The following CDH13 variants were observed in gnomAD, a reference collection of about 807,000 sequenced individuals.
CDH13 encodes the protein cadherin 13, also known as cadherin-13.
CDH13 carries 24 observed loss-of-function variants against 63.8 expected under a neutral mutation model. The observed-to-expected ratio is 0.38, with a 90% CI of 0.27 to 0.53. CDH13 has a LOEUF of 0.53. CDH13 is among the 20% of genes least tolerant of loss of function. The probability of loss-of-function intolerance (pLI) is 0.85; values close to 1 mark genes in which losing one functional copy is unlikely to be tolerated. For missense variants in CDH13, 1,049 were observed against 903.1 expected (o/e 1.16, Z -2.07); for synonymous variants, 503 against 355.3 (o/e 1.42, Z -4.67).
intron 2 of CDH13, among the ~76,000 whole-genome samples, chr16:83,008,704 C>G (rs1913804714): frequency 6.6e-6 from 1 of 152,162 alleles, no homozygotes; most frequent in South Asian, 2.1e-4. Context: ...GTAACCCAGG[C>G]AGAAGATCAT....
chr16:83,730,427 G>A (rs1159900096), intron 10 of CDH13, among the ~76,000 whole-genome samples: 1 of 152,154 alleles, frequency 6.6e-6, no homozygotes, highest in Admixed American at 6.5e-5. Context: ...AATATGTACA[G>A]TTCCAAGAGA....
intron 6 of CDH13, among the ~76,000 whole-genome samples, chr16:83,369,936 G>C (rs2091332535): frequency 6.6e-6 from 1 of 152,156 alleles, no homozygotes; most frequent in Non-Finnish European, 1.5e-5. Context: ...TGTTGACCTT[G>C]TCCCTAGACT....
chr16:83,074,287 C>T (rs971697580), intron 3 of CDH13, among the ~76,000 whole-genome samples: 2 of 152,196 alleles, frequency 1.3e-5, no homozygotes, highest in African/African-American at 4.8e-5. Context: ...TAACTATCTC[C>T]AGTTCCATTA....
At chr16:82,794,168 T>TTTTCC (rs2036462998) in intron 1 of CDH13, among the ~76,000 whole-genome samples, 1 of 150,880 alleles carries the variant, frequency 6.6e-6, no homozygotes. Flanking sequence ...TTTGCAATTT[T>TTTTCC]TTTTCTTTTC....
At chr16:83,362,405 G>A (rs2091179431) in intron 6 of CDH13, among the ~76,000 whole-genome samples, 1 of 152,182 alleles carries the variant, frequency 6.6e-6, no homozygotes, top group Non-Finnish European at 1.5e-5. Flanking sequence ...GTAAGTGAAA[G>A]ACATTTAGAC....
At chr16:83,693,384 C>T (rs945176336) in intron 10 of CDH13, among the ~76,000 whole-genome samples, 8 of 152,116 alleles carry the variant, frequency 5.3e-5, no homozygotes, top group African/African-American at 9.7e-5. Flanking sequence ...GAGCATAATG[C>T]GTAGTCATTT....
At chr16:83,238,087 A>G (rs1449019673) in intron 5 of CDH13, among the ~76,000 whole-genome samples, 2 of 117,190 alleles carry the variant, frequency 1.7e-5, no homozygotes, top group Non-Finnish European at 3.5e-5. Flanking sequence ...GTAGCATTAG[A>G]CTGGGACTGA....
At chr16:83,211,621 T>A (rs531968023) in intron 4 of CDH13, among the ~76,000 whole-genome samples, 2 of 152,176 alleles carry the variant, frequency 1.3e-5, no homozygotes, top group South Asian at 4.1e-4. Context: ...GTCCATATTG[T>A]GTCACATCTG....
chr16:82,652,354 C>T (rs1347381738), intron 1 of CDH13, among the ~76,000 whole-genome samples: 8 of 152,270 alleles, frequency 5.3e-5, no homozygotes, highest in Non-Finnish European at 5.9e-5. Flanking sequence ...GGTTTTTGTT[C>T]ATGACAAGAT....
intron 10 of CDH13, among the ~76,000 whole-genome samples, chr16:83,708,479 TTCTG>T (rs1907489753): frequency 6.6e-6 from 1 of 152,178 alleles, no homozygotes; most frequent in Admixed American, 6.5e-5. Flanking sequence ...TTTGTTCTCT[TTCTG>T]TCTTTTTCTG....
At chr16:83,784,631 C>CAA (rs575073144) in intron 13 of CDH13, among the ~76,000 whole-genome samples, 1,641 of 101,102 alleles carry the variant, frequency 0.016, 40 homozygotes, top group African/African-American at 0.054. Flanking sequence ...GGCTCTGTCT[C>CAA]AAAAAAAAAA....
chr16:83,603,338 G>A (rs918264023), intron 8 of CDH13, among the ~76,000 whole-genome samples: 2 of 152,210 alleles, frequency 1.3e-5, no homozygotes, highest in Non-Finnish European at 2.9e-5. Flanking sequence ...TAGGTACGAT[G>A]GCCCCTGACT....
At chr16:83,726,911 G>A (rs1432121582) in intron 10 of CDH13, among the ~76,000 whole-genome samples, 2 of 152,038 alleles carry the variant, frequency 1.3e-5, no homozygotes, top group Non-Finnish European at 2.9e-5. Context: ...TATCGAGGGA[G>A]GAGTGTTTGG....
chr16:83,576,175 C>A (rs1288988643), intron 7 of CDH13, among the ~76,000 whole-genome samples: 1 of 152,186 alleles, frequency 6.6e-6, no homozygotes, highest in Non-Finnish European at 1.5e-5. Context: ...CCTCCCTGAC[C>A]CCAGTCCCTG....
chr16:83,375,728 T>C (rs2091448079), intron 6 of CDH13, among the ~76,000 whole-genome samples: 1 of 151,984 alleles, frequency 6.6e-6, no homozygotes, highest in South Asian at 2.1e-4. Context: ...GTAATCTGAG[T>C]CTTGAGGGAA....
At chr16:83,605,314 A>G (rs1414242407) in intron 8 of CDH13, among the ~76,000 whole-genome samples, 1 of 152,352 alleles carries the variant, frequency 6.6e-6, no homozygotes, top group East Asian at 1.9e-4. Flanking sequence ...CCAATGTTTG[A>G]TAATTTAAAT....
In CDH13 at chr16:83,573,384, C is replaced by T. The variant is rs535223245; in HGVS notation, c.961-29070C>T. 5.3e-5 allele frequency among the ~76,000 whole-genome samples: 8 copies of T among 152,268 alleles called. No homozygotes were observed. The East Asian group carries it at 7.7e-4, about 15-fold the overall frequency. On this transcript the variant is annotated intron_variant, in intron 7 of 13. Transcript: ENST00000567109. ...AAGCCAATGGGTTCAGCAAAAAAACCGGAATGACAGTCTGTCAGCATGGAG... is the reference window on the plus strand; with the variant it reads ...AAGCCAATGGGTTCAGCAAAAAAACTGGAATGACAGTCTGTCAGCATGGAG...
At chr16:83,190,012 G>A (rs2038647297) in intron 4 of CDH13, among the ~76,000 whole-genome samples, 1 of 152,146 alleles carries the variant, frequency 6.6e-6, no homozygotes. Flanking sequence ...ATGATTGTGA[G>A]GCCTCCCCCA....
intron 7 of CDH13, among the ~76,000 whole-genome samples, chr16:83,565,307 G>A (rs2075773392): frequency 6.6e-6 from 1 of 151,384 alleles, no homozygotes; most frequent in South Asian, 2.1e-4. Context: ...CTGCGCTATA[G>A]GCACAGACCA....
Sources: allele counts gnomAD v4.1 joint callset (sites outside exome capture counted in the v4.1 genomes callset), GRCh38; gene constraint gnomAD v4.1.1; transcripts MANE v1.5; gene names NCBI Gene and HGNC (gene_info 2026-07-23, HGNC 2026-07-21).